Variants in TAOK1 observed in about 807,000 individuals in gnomAD.
TAOK1 encodes the protein TAO kinase 1.
In TAOK1, 21 loss-of-function variants were observed where a neutral mutation model predicts 138.3. The observed-to-expected ratio is 0.15, with a 90% CI of 0.11 to 0.22. The LOEUF (loss-of-function observed/expected upper bound fraction) is 0.22, where lower values mean the gene tolerates loss of function less well. TAOK1 is among the 10% of genes least tolerant of loss of function. The probability of loss-of-function intolerance (pLI) is 1.00; values close to 1 mark genes in which losing one functional copy is unlikely to be tolerated. For missense variants in TAOK1, 651 were observed against 1,227.7 expected (o/e 0.53, Z 7.02); for synonymous variants, 361 against 398.4 (o/e 0.91, Z 1.12).
At chr17:29,509,290 C>T (rs1242174961) in intron 14 of TAOK1, among the ~76,000 whole-genome samples, 4 of 152,102 alleles carry the variant, frequency 2.6e-5, no homozygotes, top group South Asian at 2.1e-4. Flanking sequence ...CTGCCTCAGC[C>T]TCCCAAGTAG....
intron 4 of TAOK1, 138 bp from the exon 5 acceptor site, chr17:29,477,522 TA>T (rs2030972023): frequency 1.0e-5 from 3 of 297,252 alleles, no homozygotes; most frequent in Non-Finnish European, 1.8e-5. Flanking sequence ...TCTATATAAC[TA>T]TTTTTTTAAG....
At chr17:29,427,941 AAAG>A (rs1458129289) in intron 1 of TAOK1, among the ~76,000 whole-genome samples, 12 of 148,168 alleles carry the variant, frequency 8.1e-5, no homozygotes, top group Admixed American at 2.7e-4. Context: ...AAAAAAAAAA[AAAG>A]AAGAATAATT....
At chr17:29,508,219 C>T (rs2031660808) in intron 14 of TAOK1, 87 bp downstream of exon 14, 5 of 1,189,602 alleles carry the variant, frequency 4.2e-6, no homozygotes, top group Non-Finnish European at 6.2e-6. Flanking sequence ...GTTAGCGTAT[C>T]TGTTCCCGTG....
At chr17:29,477,854 A>G (rs929092162) in intron 5 of TAOK1, 148 bp downstream of exon 5, 1 of 397,622 alleles carries the variant, frequency 2.5e-6, no homozygotes, top group African/African-American at 2.1e-5. Flanking sequence ...AGCATGGTAT[A>G]TGCTGTCCTT....
chr17:29,403,005 A>G (rs1224029988), intron 1 of TAOK1, among the ~76,000 whole-genome samples: 1 of 151,752 alleles, frequency 6.6e-6, no homozygotes, highest in African/African-American at 2.4e-5. Context: ...AAAAAAAAAA[A>G]ACAAAATTAG....
At chr17:29,438,798 G>A (rs1001363130) in intron 1 of TAOK1, among the ~76,000 whole-genome samples, 12 of 152,174 alleles carry the variant, frequency 7.9e-5, no homozygotes, top group Non-Finnish European at 2.9e-5. Context: ...CCTCTTGAGC[G>A]AGTTTTAGTA....
rs1354169460 is a variant in TAOK1 at position 29,550,530 on chromosome 17, A to G, written c.*7508A>G. Reference sequence around the variant, plus strand: ...GCCTAATGCGCATTAATGAGGTTGAAGAGACTATGAGAAATATGTATAGTG... The same window carrying G: ...GCCTAATGCGCATTAATGAGGTTGAGGAGACTATGAGAAATATGTATAGTG... On this transcript the variant is annotated 3_prime_UTR_variant, in exon 20 of 20. Transcript: ENST00000261716. 1 of 152,220 alleles carries G rather than the reference A, an allele frequency of 6.6e-6. No individual in the cohort carries two copies. The highest frequency in any genetic ancestry group is 1.9e-4 in the East Asian group (1 of 5,208). The allele number at this position is 152,220 out of a possible 1,614,324, so 9.4% of individuals were successfully genotyped here. A position where few individuals can be genotyped will look rare whatever the true frequency, so the allele number is the denominator to read the frequency against.
chr17:29,405,727 C>A (rs567782329), intron 1 of TAOK1, among the ~76,000 whole-genome samples: 3 of 151,942 alleles, frequency 2.0e-5, no homozygotes, highest in African/African-American at 7.3e-5. Context: ...TGCAGTGAGC[C>A]GACATCGAAC....
chr17:29,510,728 G>A, intron 14 of TAOK1, 136 bp from the exon 15 acceptor site: 1 of 547,584 alleles, frequency 1.8e-6, no homozygotes, highest in Non-Finnish European at 3.0e-6. Context: ...TTTATAATTT[G>A]GTTCAGTCTT....
chr17:29,498,297 C>CTGAA (rs1316168889), intron 11 of TAOK1, 21 bp from the exon 12 acceptor site: 1 of 1,613,056 alleles, frequency 6.2e-7, no homozygotes, highest in African/African-American at 1.3e-5. Context: ...TTGAACTGAA[C>CTGAA]TGAATGTCCT....
At chr17:29,498,267 A>G in intron 11 of TAOK1, 51 bp from the exon 12 acceptor site, 1 of 1,590,780 alleles carries the variant, frequency 6.3e-7, no homozygotes, top group Non-Finnish European at 8.6e-7. Context: ...AATTCAGAAG[A>G]GAGAGATATA....
Position 29,531,128 on chromosome 17 carries a change from A to C in TAOK1, c.2361+509A>C, listed in dbSNP as rs572242314. Among the ~76,000 whole-genome samples the C allele has an allele frequency of 9.0e-4, 126 of 140,608 alleles. 1 individual carries two copies. The South Asian group carries it at 9.8e-3, about 11-fold the overall frequency. 92.2% of individuals were successfully genotyped at this position (140,608 alleles called of 152,430 possible). A position where few individuals can be genotyped will look rare whatever the true frequency, so the allele number is the denominator to read the frequency against. ...AGGCGCCTGCCACTATGCCCGGCTA[A>C]TTTTTTTTTTTTGTATTTTTAGTAG... On this transcript the variant is annotated intron_variant, in intron 18 of 19. Transcript: ENST00000261716.
chr17:29,396,641 A>G (rs1046218256), intron 1 of TAOK1, among the ~76,000 whole-genome samples: 1 of 152,224 alleles, frequency 6.6e-6, no homozygotes. Context: ...AATATTATCA[A>G]ATAATAGGAT....
At chr17:29,394,150 GTTTTTTTTTTTTTTTT>G (rs58117433) in intron 1 of TAOK1, among the ~76,000 whole-genome samples, 9 of 48,280 alleles carry the variant, frequency 1.9e-4, no homozygotes, top group East Asian at 7.0e-4. Flanking sequence ...TAATTTGCCA[GTTTTTTTTTTTTTTTT>G]TTTTTTTTTT....
intron 1 of TAOK1, among the ~76,000 whole-genome samples, chr17:29,411,528 A>AGG (rs1905144238): frequency 6.6e-6 from 1 of 151,714 alleles, no homozygotes; most frequent in Non-Finnish European, 1.5e-5. Flanking sequence ...AGTAGCTGGA[A>AGG]CTACAGGCAC....
intron 1 of TAOK1, among the ~76,000 whole-genome samples, chr17:29,410,054 T>C (rs1193859251): frequency 2.0e-5 from 3 of 152,170 alleles, no homozygotes; most frequent in Non-Finnish European, 4.4e-5. Context: ...TTTGTTTTTG[T>C]TCTGTTATGT....
intron 10 of TAOK1, among the ~76,000 whole-genome samples, chr17:29,494,804 C>A (rs1022108248): frequency 8.1e-6 from 1 of 122,948 alleles, no homozygotes; most frequent in African/African-American, 3.2e-5. Flanking sequence ...CCAGCCTGGG[C>A]AACAGAGGGA....
chr17:29,471,467 C>T (rs544498758), intron 3 of TAOK1, among the ~76,000 whole-genome samples: 36 of 151,240 alleles, frequency 2.4e-4, no homozygotes, highest in East Asian at 1.2e-3. Flanking sequence ...TTAGTAGAGA[C>T]GGGGTTTCAT....
intron 2 of TAOK1, among the ~76,000 whole-genome samples, chr17:29,456,220 T>C (rs1428779517): frequency 6.7e-6 from 1 of 150,112 alleles, no homozygotes; most frequent in East Asian, 1.9e-4. Context: ...TGGTGGTGCA[T>C]GCCTGTAGTC....
Sources: gnomAD v4.1 joint callset for allele counts (sites outside exome capture counted in the v4.1 genomes callset) on GRCh38, gnomAD v4.1.1 for gene constraint, MANE v1.5 for transcripts, NCBI Gene and HGNC (gene_info 2026-07-23, HGNC 2026-07-21) for gene names.